The following RBM46 variants were observed in gnomAD, a reference collection of about 807,000 sequenced individuals.
RBM46 encodes probable RNA-binding protein 46.
A neutral mutation model predicts 43.3 loss-of-function variants in RBM46; 12 were observed. That is an observed-to-expected ratio of 0.28 (90% CI 0.18 to 0.45). The LOEUF (loss-of-function observed/expected upper bound fraction) is 0.45, where lower values mean the gene tolerates loss of function less well. Ranked by LOEUF, RBM46 falls within the 20% of genes least tolerant of loss-of-function variation. RBM46 has a pLI of 1.00. For synonymous variants in RBM46, 205 were observed against 207.6 expected (o/e 0.99, Z 0.11); for missense variants, 412 against 639.1 (o/e 0.64, Z 3.83).
chr4:154,826,568 C>A (rs1230849863), intron 4 of RBM46, among the ~76,000 whole-genome samples: 1 of 152,006 alleles, frequency 6.6e-6, no homozygotes, highest in African/African-American at 2.4e-5. Flanking sequence ...CATTCATTTT[C>A]AAAATAGTGA....
chr4:154,819,413 G>C (rs1735620552), intron 4 of RBM46, among the ~76,000 whole-genome samples: 3 of 152,130 alleles, frequency 2.0e-5, no homozygotes, highest in Admixed American at 2.0e-4. Context: ...TTTGGGAATT[G>C]GCCAAGCCTT....
chr4:154,809,111 G>A (rs1735054286), intron 4 of RBM46, among the ~76,000 whole-genome samples: 1 of 151,920 alleles, frequency 6.6e-6, no homozygotes, highest in South Asian at 2.1e-4. Flanking sequence ...ATATGTATGT[G>A]TGACTCTTCT....
rs1380363064 is a variant in RBM46, at chr4:154,786,779, T to G, written c.-12+5343T>G. Reference sequence around the variant, plus strand: ...CCACCTCTACTAAAAATACAAAAATTAGCCAGGCATGATGGCGCATGCCTG... The same window carrying G: ...CCACCTCTACTAAAAATACAAAAATGAGCCAGGCATGATGGCGCATGCCTG... On this transcript the variant is annotated intron_variant, in intron 1 of 4. Transcript: ENST00000281722. Among the ~76,000 whole-genome samples, 7 of 152,022 alleles carry G rather than the reference T, an allele frequency of 4.6e-5. No homozygotes were observed. The East Asian group carries it at 1.2e-3, about 26-fold the overall frequency.
At chr4:154,801,395 A>C (rs558768362) in intron 4 of RBM46, among the ~76,000 whole-genome samples, 1 of 152,160 alleles carries the variant, frequency 6.6e-6, no homozygotes, top group Non-Finnish European at 1.5e-5. Context: ...GAAGCTAATA[A>C]ATTCTTAGTT....
chr4:154,794,646 A>G (rs1239680217), intron 1 of RBM46, among the ~76,000 whole-genome samples: 5 of 152,208 alleles, frequency 3.3e-5, no homozygotes, highest in Admixed American at 1.3e-4. Flanking sequence ...TACCTTGTAC[A>G]TGCCAAGTAC....
At position 154,799,395 on chromosome 4, in the gene RBM46, A is replaced by G; in HGVS notation, c.1233A>G (p.Glu411=). 1 of 1,614,144 alleles carries G rather than the reference A, an allele frequency of 6.2e-7. No homozygotes were observed. The highest frequency in any genetic ancestry group is 8.5e-7 in the Non-Finnish European group (1 of 1,179,998). Residue 411 remains glutamate (E), a synonymous_variant, in exon 4 of 5, where the codon GAA becomes GAG. Transcript: ENST00000281722. ...ACAAAAATAACTGGGCACCACCAGAATATTATTTATATTCAACAACAAGTC... is the reference window on the plus strand; with the variant it reads ...ACAAAAATAACTGGGCACCACCAGAGTATTATTTATATTCAACAACAAGTC... ...YCNKNNWAPP[E]YYLYSTTSQD...
intron 4 of RBM46, among the ~76,000 whole-genome samples, chr4:154,809,187 T>C (rs1001736167): frequency 6.6e-6 from 1 of 152,094 alleles, no homozygotes; most frequent in African/African-American, 2.4e-5. Context: ...CTTTACATTT[T>C]ATTTTCTTAT....
chr4:154,790,188 TTAG>T (rs1301682323), intron 1 of RBM46: 1 of 152,246 alleles, frequency 6.6e-6, no homozygotes, highest in African/African-American at 2.4e-5. Context: ...TGCTCTGATC[TTAG>T]TTATTTCTTG....
intron 4 of RBM46, among the ~76,000 whole-genome samples, chr4:154,822,457 G>A (rs1442022256): frequency 1.3e-5 from 2 of 151,262 alleles, no homozygotes; most frequent in African/African-American, 4.8e-5. Flanking sequence ...ATAAATGATA[G>A]GTATTATTTA....
intron 1 of RBM46, among the ~76,000 whole-genome samples, chr4:154,792,165 T>C (rs1432103356): frequency 1.3e-5 from 2 of 152,224 alleles, no homozygotes; most frequent in Non-Finnish European, 2.9e-5. Flanking sequence ...ATTTACCTTA[T>C]CAATTTAATA....
Position 154,828,119 on chromosome 4 carries a change from C to T in RBM46, c.*52C>T. 9 of 1,326,080 alleles carry T rather than the reference C, an allele frequency of 6.8e-6. No homozygotes were observed. Among genetic ancestry groups the T allele is most frequent in the Non-Finnish European group, 9.7e-6 (9 of 923,174 alleles). 82.1% of individuals were successfully genotyped at this position (1,326,080 alleles called of 1,614,324 possible). A position where few individuals can be genotyped will look rare whatever the true frequency, so the allele number is the denominator to read the frequency against. On this transcript the variant is annotated 3_prime_UTR_variant, in exon 5 of 5. Coordinates refer to ENST00000281722, the MANE Select transcript of RBM46 (RefSeq NM_144979.5). ...TTTGTGTAAATTTGTAGTATGAAAA[C>T]TTGCAAATTAAAATATTGTTTTATT...
intron 1 of RBM46, among the ~76,000 whole-genome samples, chr4:154,789,311 T>C (rs538845606): frequency 2.0e-5 from 3 of 152,126 alleles, no homozygotes; most frequent in Non-Finnish European, 4.4e-5. Flanking sequence ...TGGCTGTGGG[T>C]TTGTCATAAA....
intron 4 of RBM46, among the ~76,000 whole-genome samples, chr4:154,817,293 G>T (rs193142165): frequency 6.6e-6 from 1 of 150,444 alleles, no homozygotes; most frequent in Admixed American, 6.6e-5. Flanking sequence ...TCCTAAGTAT[G>T]GTTAGAGCTG....
chr4:154,795,896 A>T (rs1031811611), intron 1 of RBM46, among the ~76,000 whole-genome samples: 2 of 152,106 alleles, frequency 1.3e-5, no homozygotes, highest in Non-Finnish European at 2.9e-5. Flanking sequence ...AGTGGCTCAC[A>T]TCTATAACCC....
rs1254706486 is a variant in RBM46 at position 154,798,025 on chromosome 4, T to C, written c.366T>C (p.Asn122=). The C allele has an allele frequency of 6.2e-7, 1 of 1,613,596 alleles. No homozygotes were observed. The highest frequency in any genetic ancestry group is 8.5e-7 in the Non-Finnish European group (1 of 1,179,886). ...CCCAATTAGCCATCAGAATTCTTAA[T>C]AATTATGAAATTCGACCAGGGAAGT... ...EEAQLAIRIL[N]NYEIRPGKFI... is the part of the protein sequence containing the mutation. Residue 122 remains asparagine (N), a synonymous_variant, in exon 3 of 5, where the codon AAT becomes AAC. Coordinates refer to ENST00000281722, the MANE Select transcript of RBM46 (RefSeq NM_144979.5).
At chr4:154,827,167 A>G (rs1431081343) in intron 4 of RBM46, 2 of 917,818 alleles carry the variant, frequency 2.2e-6, no homozygotes, top group African/African-American at 1.8e-5. Context: ...ACAGTATTTC[A>G]AATGTTATTT....
chr4:154,817,000 T>C (rs1055738309), intron 4 of RBM46, among the ~76,000 whole-genome samples: 2 of 152,188 alleles, frequency 1.3e-5, no homozygotes, highest in Admixed American at 6.5e-5. Flanking sequence ...ATGAATCTTA[T>C]TTCCGAAGTA....
At chr4:154,816,165 T>C (rs1735433341) in intron 4 of RBM46, among the ~76,000 whole-genome samples, 1 of 152,152 alleles carries the variant, frequency 6.6e-6, no homozygotes, top group African/African-American at 2.4e-5. Context: ...ATTTTGTAAA[T>C]AATATTTTCT....
chr4:154,814,175 A>G (rs1276321261), intron 4 of RBM46, among the ~76,000 whole-genome samples: 1 of 151,946 alleles, frequency 6.6e-6, no homozygotes, highest in African/African-American at 2.4e-5. Context: ...AAAACATTTA[A>G]TGATACCCAT....
Sources: allele counts gnomAD v4.1 joint callset (sites outside exome capture counted in the v4.1 genomes callset), GRCh38; gene constraint gnomAD v4.1.1; transcripts MANE v1.5; gene names NCBI Gene and HGNC (gene_info 2026-07-23, HGNC 2026-07-21).